The following TMEM92 variants were observed in gnomAD, a reference collection of about 807,000 sequenced individuals.
TMEM92 encodes the protein transmembrane protein 92.
TMEM92 carries 15 observed loss-of-function variants against 14.6 expected under a neutral mutation model. The observed-to-expected ratio is 1.03, with a 90% CI of 0.69 to 1.58. TMEM92 has a LOEUF of 1.58. Ranked by LOEUF, TMEM92 falls within the 40% of genes most tolerant of loss-of-function variation. TMEM92 has a pLI of 0.00. For missense variants in TMEM92, 174 were observed against 202.4 expected (o/e 0.86, Z 0.85); for synonymous variants, 85 against 83.3 (o/e 1.02, Z -0.11).
upstream of TMEM92, among the ~76,000 whole-genome samples, chr17:50,272,377 T>A (rs532769077): frequency 1.3e-5 from 2 of 152,230 alleles, no homozygotes; most frequent in East Asian, 1.9e-4. Context: ...CACACCTCTG[T>A]AGGGCTCCCA....
chr17:50,278,481 G>A (rs1910501495), intron 2 of TMEM92, 75 bp from the exon 3 acceptor site: 3 of 1,550,968 alleles, frequency 1.9e-6, no homozygotes, highest in African/African-American at 1.4e-5. Flanking sequence ...GTATTTTGGG[G>A]AGGCTGGGAT....
chr17:50,273,289 C>G (rs924761333), upstream of TMEM92, among the ~76,000 whole-genome samples: 5 of 152,124 alleles, frequency 3.3e-5, no homozygotes, highest in Non-Finnish European at 1.5e-5. Context: ...GCGCCCCTCC[C>G]GGCTCCCGGG....
In TMEM92 at chr17:50,279,807, G is replaced by T; in HGVS notation, c.*499G>T. The T allele has an allele frequency of 5.7e-6, 1 of 174,314 alleles. No individual in the cohort carries two copies. The highest frequency in any genetic ancestry group is 1.3e-4 in the South Asian group (1 of 7,900). The allele number at this position is 174,314 out of a possible 1,614,324, so 10.8% of individuals were successfully genotyped here. The stretch of plus-strand genomic sequence containing the variant: ...GTCCTCACTGAATGTTACTGATTGC[G>T]GCTGAGGGCCTGCCTCTGGCTGTGT... On this transcript the variant is annotated 3_prime_UTR_variant, in exon 5 of 5. Coordinates refer to ENST00000507382, the MANE Select transcript of TMEM92 (RefSeq NM_153229.3).
In TMEM92 at chr17:50,277,756, A is replaced by G. The variant is rs377301751; in HGVS notation, c.95+16A>G. 36 of 1,613,830 alleles carry G rather than the reference A, an allele frequency of 2.2e-5. No individual in the cohort carries two copies. Among genetic ancestry groups the G allele is most frequent in the African/African-American group, 2.7e-5 (2 of 74,862 alleles). On this transcript the variant is annotated intron_variant, in intron 2 of 4. Transcript: ENST00000507382. ...GTCTCATCCTGTAAGTCTAGAGGCCATAACTTCCAATCTGGGGAGCGGGGA... is the reference window on the plus strand; with the variant it reads ...GTCTCATCCTGTAAGTCTAGAGGCCGTAACTTCCAATCTGGGGAGCGGGGA...
At chr17:50,276,613 G>C (rs1295964977) in intron 1 of TMEM92, among the ~76,000 whole-genome samples, 1 of 152,136 alleles carries the variant, frequency 6.6e-6, no homozygotes, top group African/African-American at 2.4e-5. Flanking sequence ...GGTGGGGTGA[G>C]AGATGCCCTT....
rs200365354 is a variant in TMEM92, at chr17:50,278,852, C to G, written c.222C>G (p.Gly74=). 5.2e-5 allele frequency: 84 copies of G among 1,613,716 alleles called. No individual in the cohort carries two copies. The East Asian group carries it at 1.7e-3, about 33-fold the overall frequency. ...LVILSVFCIC[G]LAKCFCRNCR... is the part of the protein sequence containing the mutation. Reference sequence around the variant, plus strand: ...TCCTGTCCGTCTTTTGCATCTGTGGCCTGGCTAAGTGCTTCTGTCGCAACT... The same window carrying G: ...TCCTGTCCGTCTTTTGCATCTGTGGGCTGGCTAAGTGCTTCTGTCGCAACT... Residue 74 remains glycine (G), a synonymous_variant, in exon 4 of 5, where the codon GGC becomes GGG. Coordinates refer to ENST00000507382, the MANE Select transcript of TMEM92 (RefSeq NM_153229.3).
intron 1 of TMEM92, 26 bp from the exon 2 acceptor site, chr17:50,277,689 C>T (rs1910471123): frequency 2.5e-6 from 4 of 1,613,852 alleles, no homozygotes; most frequent in Non-Finnish European, 3.4e-6. Flanking sequence ...ATGACCCTGA[C>T]CCCCGACCTC....
At chr17:50,272,195 C>T (rs1315444109), upstream of TMEM92, among the ~76,000 whole-genome samples, 3 of 152,148 alleles carry the variant, frequency 2.0e-5, no homozygotes, top group African/African-American at 7.2e-5. Flanking sequence ...CCTCCTCCTG[C>T]CCCTCTTCAG....
At chr17:50,278,704 T>G in intron 3 of TMEM92, 74 bp downstream of exon 3, 1 of 1,581,170 alleles carries the variant, frequency 6.3e-7, no homozygotes, top group East Asian at 2.2e-5. Flanking sequence ...GCCAGGCACC[T>G]GCCGAGGGGG....
chr17:50,273,133 A>G (rs935720272), upstream of TMEM92, among the ~76,000 whole-genome samples: 2 of 152,166 alleles, frequency 1.3e-5, no homozygotes, highest in Non-Finnish European at 2.9e-5. Context: ...GCCCAAGGAC[A>G]TGACGTTGAG....
chr17:50,278,214 G>A (rs1910492864), intron 2 of TMEM92, among the ~76,000 whole-genome samples: 1 of 152,164 alleles, frequency 6.6e-6, no homozygotes, highest in South Asian at 2.1e-4. Flanking sequence ...ATGCCACGTG[G>A]CCTCTTTCCC....
chr17:50,274,674 C>G, intron 1 of TMEM92, 104 bp downstream of exon 1: 1 of 1,002,914 alleles, frequency 1.0e-6, no homozygotes. Context: ...AGGATTTCCT[C>G]CTGACCACAC....
At position 50,281,129 on chromosome 17, in the gene TMEM92, T is replaced by C. The variant is rs1336813507; in HGVS notation, c.*1821T>C. 20 of 152,084 alleles carry C rather than the reference T, an allele frequency of 1.3e-4. No individual in the cohort carries two copies. The highest frequency in any genetic ancestry group is 1.3e-3 in the Admixed American group (20 of 15,266). The allele number at this position is 152,084 out of a possible 1,614,324, so 9.4% of individuals were successfully genotyped here. ...AGTAGCAGAGTGGCCCTAGGGAAAG[T>C]GGCCATCCTGAAACCTAGTGTTGCT... On this transcript the variant is annotated 3_prime_UTR_variant, in exon 5 of 5. Transcript: ENST00000507382.
rs1450629755 is a variant in TMEM92 at position 50,274,486 on chromosome 17, T to C, written c.-16T>C. ...GCCTTCTCTACACAGGAAAGCTCAG[T>C]GGCCCCCAAGCCAGGATGTCCCAAG... is the stretch of plus-strand genomic sequence containing the variant. On this transcript the variant is annotated 5_prime_UTR_variant, in exon 1 of 5. Transcript: ENST00000507382. 5 of 1,613,810 alleles carry C rather than the reference T, an allele frequency of 3.1e-6. No homozygotes were observed. The highest frequency in any genetic ancestry group is 3.3e-4 in the Middle Eastern group (2 of 6,058).
At chr17:50,273,839 G>C (rs571658027), upstream of TMEM92, among the ~76,000 whole-genome samples, 381 of 152,032 alleles carry the variant, frequency 2.5e-3, 1 homozygote, top group Non-Finnish European at 4.5e-3. Context: ...GGGCTTCCAC[G>C]TCCCCTTCCC....
At chr17:50,277,665 A>G in intron 1 of TMEM92, 50 bp from the exon 2 acceptor site, 1 of 1,612,536 alleles carries the variant, frequency 6.2e-7, no homozygotes, top group African/African-American at 1.3e-5. Flanking sequence ...CCCTACCCCC[A>G]CTATCCCCAG....
intron 1 of TMEM92, 105 bp from the exon 2 acceptor site, chr17:50,277,610 G>A: frequency 7.4e-7 from 1 of 1,353,360 alleles, no homozygotes; most frequent in South Asian, 1.2e-5. Context: ...GAGTCTACTG[G>A]GGACCTGCTG....
At chr17:50,278,439 A>T (rs1910500050) in intron 2 of TMEM92, 117 bp from the exon 3 acceptor site, 4 of 1,106,798 alleles carry the variant, frequency 3.6e-6, no homozygotes, top group Admixed American at 2.0e-5. Flanking sequence ...CCACCCCACT[A>T]AGGGGTGGCT....
At chr17:50,272,662 A>G (rs150482302), upstream of TMEM92, among the ~76,000 whole-genome samples, 187 of 152,300 alleles carry the variant, frequency 1.2e-3, no homozygotes, top group African/African-American at 4.1e-3. Context: ...CTAGAAGATT[A>G]TCTTCTTAAG....
Sources: gnomAD v4.1 joint callset for allele counts (sites outside exome capture counted in the v4.1 genomes callset) on GRCh38, gnomAD v4.1.1 for gene constraint, MANE v1.5 for transcripts, NCBI Gene and HGNC (gene_info 2026-07-23, HGNC 2026-07-21) for gene names.